MALSU1: variants seen among roughly 807,000 people sequenced by gnomAD.
The protein encoded by MALSU1 is mitochondrial assembly of ribosomal large subunit 1.
A neutral mutation model predicts 22.1 loss-of-function variants in MALSU1; 22 were observed. The observed-to-expected ratio is 1.00, with a 90% confidence interval of 0.71 to 1.42. The LOEUF (loss-of-function observed/expected upper bound fraction) is 1.42. Ranked by LOEUF, MALSU1 falls within the 40% of genes most tolerant of loss-of-function variation. The pLI is 0.00. For missense variants in MALSU1, 379 were observed against 308.3 expected (o/e 1.23, Z -1.72); for synonymous variants, 153 against 118.5 (o/e 1.29, Z -1.89).
Position 23,305,624 on chromosome 7 carries a change from G to A in MALSU1, c.436-2244G>A, listed in dbSNP as rs1012642013. 6.6e-5 allele frequency among the ~76,000 whole-genome samples: 10 copies of A among 152,034 alleles called. No individual in the cohort carries two copies. The East Asian group carries it at 1.2e-3, about 18-fold the overall frequency. ...ACTCCTAACCTCAGGTGATGCACCC[G>A]CCTTGGCCTCCCAAAGGGCTGGGAT... is the stretch of plus-strand genomic sequence containing the variant. On this transcript the variant is annotated intron_variant, in intron 2 of 3. Transcript: ENST00000466681.
intron 2 of MALSU1, 23 bp downstream of exon 2, chr7:23,301,040 T>C: frequency 1.3e-6 from 2 of 1,599,926 alleles, no homozygotes; most frequent in Non-Finnish European, 1.7e-6. Context: ...CTTTTCTCTT[T>C]TGGACCATTA....
chr7:23,302,396 A>C (rs934772483), intron 2 of MALSU1, among the ~76,000 whole-genome samples: 12 of 152,218 alleles, frequency 7.9e-5, no homozygotes, highest in Admixed American at 1.3e-4. Flanking sequence ...TAAGACCAAA[A>C]GAGTAGCCAA....
In MALSU1 at chr7:23,308,096, T is replaced by C. The variant is rs560655445; in HGVS notation, c.517+147T>C. The C allele has an allele frequency of 1.6e-3, 1,091 of 675,254 alleles. 3 individuals carry two copies. Among genetic ancestry groups the C allele is most frequent in the Non-Finnish European group, 2.4e-3 (916 of 388,088 alleles). The allele number at this position is 675,254 out of a possible 1,614,324, so 41.8% of individuals were successfully genotyped here. A position where few individuals can be genotyped will look rare whatever the true frequency, so the allele number is the denominator to read the frequency against. ...TGTGTTTAAGGTAACAAAAGTTTTT[T>C]TAGTTATAATCCAGGTGGTCTTATT... On this transcript the variant is annotated intron_variant, in intron 3 of 3. Transcript: ENST00000466681.
At position 23,311,575 on chromosome 7, in the gene MALSU1, TTAAC is replaced by T. The variant is rs1376215958; in HGVS notation, c.*2036_*2039del. On this transcript the variant is annotated 3_prime_UTR_variant, in exon 4 of 4. Coordinates refer to ENST00000466681, the MANE Select transcript of MALSU1 (RefSeq NM_138446.2). The stretch of plus-strand genomic sequence containing the variant: ...TGCTCCGTATTTTTGAACATTTGAT[TTAAC>T]TAATAACTGTGTCAAAAGCCTCAAA... 2.0e-5 allele frequency: 3 copies of T among 152,466 alleles called. No homozygotes were observed. The highest frequency in any genetic ancestry group is 1.9e-4 in the East Asian group (1 of 5,192). The allele number at this position is 152,466 out of a possible 1,614,324, so 9.4% of individuals were successfully genotyped here. A position where few individuals can be genotyped will look rare whatever the true frequency, so the allele number is the denominator to read the frequency against.
chr7:23,299,351 C>T lies in MALSU1; in HGVS notation c.-2C>T, dbSNP rs746359649. ...CCGCGACGCCGACGCAAGGCTGCTGCTATGGGGCCGGGCGGCCGTGTGGCG... is the reference window on the plus strand; with the variant it reads ...CCGCGACGCCGACGCAAGGCTGCTGTTATGGGGCCGGGCGGCCGTGTGGCG... On this transcript the variant is annotated 5_prime_UTR_variant, in exon 1 of 4. Transcript: ENST00000466681. The T allele has an allele frequency of 1.9e-6, 3 of 1,567,748 alleles. No homozygotes were observed. Among genetic ancestry groups the T allele is most frequent in the Non-Finnish European group, 2.6e-6 (3 of 1,162,526 alleles).
At position 23,311,229 on chromosome 7, in the gene MALSU1, C is replaced by T. The variant is rs1380922055; in HGVS notation, c.*1686C>T. The T allele has an allele frequency of 6.6e-6, 1 of 152,286 alleles. No individual in the cohort carries two copies. The highest frequency in any genetic ancestry group is 2.4e-5 in the African/African-American group (1 of 41,414). 9.4% of individuals were successfully genotyped at this position (152,286 alleles called of 1,614,324 possible). On this transcript the variant is annotated 3_prime_UTR_variant, in exon 4 of 4. Transcript: ENST00000466681. ...TTTGTTGCGTTTAAACACTGTCACA[C>T]CATCTATGACTGTCCCATTGGTCTG...
chr7:23,301,033 TTC>T lies in MALSU1; in HGVS notation c.435+20_435+21del, dbSNP rs757869571. 6.2e-7 allele frequency: 1 copy of T among 1,605,984 alleles called. No homozygotes were observed. Among genetic ancestry groups the T allele is most frequent in the Non-Finnish European group, 8.5e-7 (1 of 1,175,120 alleles). On this transcript the variant is annotated intron_variant, in intron 2 of 3. Coordinates refer to ENST00000466681, the MANE Select transcript of MALSU1 (RefSeq NM_138446.2). ...TGTGAAAATGGTAGGATGCTTTCTT[TTC>T]TCTTTTGGACCATTAACTGAGTGGA...
In MALSU1 at chr7:23,309,348, C is replaced by T. The variant is rs1562658960; in HGVS notation, c.518-8C>T. 1 of 1,604,200 alleles carries T rather than the reference C, an allele frequency of 6.2e-7. No homozygotes were observed. The highest frequency in any genetic ancestry group is 1.7e-5 in the Admixed American group (1 of 58,226). The stretch of plus-strand genomic sequence containing the variant: ...TCCTTCATTGTATCTCTTATCTGTC[C>T]CTGACAGGCAGCATGGTGATTCATT... On this transcript the variant is annotated splice_polypyrimidine_tract_variant and splice_region_variant and intron_variant, in intron 3 of 3. Coordinates refer to ENST00000466681, the MANE Select transcript of MALSU1 (RefSeq NM_138446.2).
At chr7:23,308,870 A>G (rs547703544) in intron 3 of MALSU1, among the ~76,000 whole-genome samples, 29 of 151,930 alleles carry the variant, frequency 1.9e-4, no homozygotes, top group Non-Finnish European at 4.0e-4. Context: ...CCCTTCTCCA[A>G]TTGTGACAAT....
chr7:23,305,667 G>A (rs567222382), intron 2 of MALSU1, among the ~76,000 whole-genome samples: 22 of 152,170 alleles, frequency 1.4e-4, no homozygotes, highest in Non-Finnish European at 3.1e-4. Flanking sequence ...GTGAGCCACC[G>A]TGTCTGGCCC....
rs2128488635 is a variant in MALSU1, at chr7:23,299,472, G to C, written c.120G>C (p.Gln40His). ...CCGGGCTTCGGCTGCTGGCCGTGCA[G>C]CGGCTTCCCGTAGGAGCAGCGTTCT... ...AEPGLRLLAV[Q>H]RLPVGAAFCR... is the part of the protein sequence containing the mutation. The change falls in exon 1 of 4, where the codon CAG (glutamine) becomes CAC (histidine). Residue 40 changes from glutamine (Q) to histidine (H), a missense_variant. Transcript: ENST00000466681. 1 of 1,609,840 alleles carries C rather than the reference G, an allele frequency of 6.2e-7. No homozygotes were observed. Among genetic ancestry groups the C allele is most frequent in the Non-Finnish European group, 8.5e-7 (1 of 1,179,598 alleles).
Position 23,309,798 on chromosome 7 carries a change from T to A in MALSU1, c.*255T>A. 3.9e-6 allele frequency: 1 copy of A among 258,638 alleles called. No individual in the cohort carries two copies. The highest frequency in any genetic ancestry group is 7.1e-5 in the East Asian group (1 of 14,138). 16.0% of individuals were successfully genotyped at this position (258,638 alleles called of 1,614,324 possible). On this transcript the variant is annotated 3_prime_UTR_variant, in exon 4 of 4. Transcript: ENST00000466681. ...GAAATGTCATCAGAATTTCCTGGAG[T>A]TAGCACTGGCTCCTGTGCTTGACTT...
chr7:23,306,761 C>G (rs1307110571), intron 2 of MALSU1, among the ~76,000 whole-genome samples: 1 of 152,162 alleles, frequency 6.6e-6, no homozygotes, highest in African/African-American at 2.4e-5. Flanking sequence ...GTTGAACCAC[C>G]TTGCATTCCA....
At chr7:23,300,477 T>A (rs73279730) in intron 1 of MALSU1, among the ~76,000 whole-genome samples, 2,843 of 152,242 alleles carry the variant, frequency 0.019, 87 homozygotes, top group African/African-American at 0.065. Context: ...GGATATCACC[T>A]CCTACCCATT....
In MALSU1 at chr7:23,301,035, C is replaced by G. The variant is rs764034814; in HGVS notation, c.435+18C>G. On this transcript the variant is annotated intron_variant, in intron 2 of 3. Coordinates refer to ENST00000466681, the MANE Select transcript of MALSU1 (RefSeq NM_138446.2). ...TGAAAATGGTAGGATGCTTTCTTTT[C>G]TCTTTTGGACCATTAACTGAGTGGA... The G allele has an allele frequency of 1.2e-6, 2 of 1,602,410 alleles. No individual in the cohort carries two copies. The highest frequency in any genetic ancestry group is 2.2e-5 in the East Asian group (1 of 44,818).
intron 2 of MALSU1, among the ~76,000 whole-genome samples, chr7:23,305,496 C>A (rs780679311): frequency 9.2e-5 from 14 of 152,004 alleles, no homozygotes; most frequent in South Asian, 2.1e-4. Context: ...CTGCCTCAGC[C>A]TCCCAAGTAG....
At chr7:23,299,817 G>A (rs79386431) in intron 1 of MALSU1, among the ~76,000 whole-genome samples, 2,565 of 152,260 alleles carry the variant, frequency 0.017, 76 homozygotes, top group African/African-American at 0.053. Flanking sequence ...ATGAACTGCA[G>A]AATCCCAGCC....
rs1481329811 is a variant in MALSU1 at position 23,300,909 on chromosome 7, T to C, written c.327T>C (p.Ile109=). The C allele has an allele frequency of 6.2e-7, 1 of 1,614,036 alleles. No individual in the cohort carries two copies. The highest frequency in any genetic ancestry group is 1.7e-5 in the Admixed American group (1 of 60,012). Residue 109 remains isoleucine (I), a synonymous_variant, in exon 2 of 4, where the codon ATT becomes ATC. Transcript: ENST00000466681. ...SLLRQENARD[I]CVIQVPPEMR... ...TGAGGCAAGAAAATGCAAGAGACATTTGTGTGATCCAGGTTCCTCCAGAAA... is the reference window on the plus strand; with the variant it reads ...TGAGGCAAGAAAATGCAAGAGACATCTGTGTGATCCAGGTTCCTCCAGAAA...
At chr7:23,300,628 C>T (rs1207390055) in intron 1 of MALSU1, among the ~76,000 whole-genome samples, 1 of 152,054 alleles carries the variant, frequency 6.6e-6, no homozygotes, top group Non-Finnish European at 1.5e-5. Flanking sequence ...AGTGGCTCTG[C>T]GTAATCTGAG....
Sources: allele counts gnomAD v4.1 joint callset (sites outside exome capture counted in the v4.1 genomes callset), GRCh38; gene constraint gnomAD v4.1.1; transcripts MANE v1.5; gene names NCBI Gene and HGNC (gene_info 2026-07-23, HGNC 2026-07-21).